ANGPTL4: variants seen among roughly 807,000 people sequenced by gnomAD.
ANGPTL4 encodes angiopoietin-related protein 4.
Under a neutral mutation model 39.2 loss-of-function variants are expected in ANGPTL4, and 39 were observed. The ratio of observed to expected loss-of-function variants is 1.00; its 90% CI spans 0.77 to 1.30. ANGPTL4 has a LOEUF of 1.30. ANGPTL4 is among the 50% of genes most tolerant of loss of function. ANGPTL4 has a pLI of 0.00. For synonymous variants in ANGPTL4, 233 were observed against 229.5 expected, an observed-to-expected ratio of 1.02 and a Z score of -0.14; for missense variants, 545 against 549.8, an observed-to-expected ratio of 0.99 and a Z score of 0.09.
intron 1 of ANGPTL4, 142 bp from the exon 2 acceptor site, chr19:8,365,812 C>A: frequency 1.4e-6 from 1 of 722,046 alleles, no homozygotes; most frequent in South Asian, 1.5e-5. Context: ...AACGAGACCC[C>A]GTCATTGGGA....
At position 8,364,624 on chromosome 19, in the gene ANGPTL4, C is replaced by T. The variant is rs752039272; in HGVS notation, c.303C>T (p.Val101=). 10 of 1,590,588 alleles carry T rather than the reference C, an allele frequency of 6.3e-6. No individual in the cohort carries two copies. In the East Asian group the frequency reaches 1.8e-4, roughly 29 times the overall value. ...LAPESRVDPE[V]LHSLQTQLKA... ...CTGAGAGCCGGGTGGACCCTGAGGTCCTTCACAGCCTGCAGGTACGTGTCC... is the reference window on the plus strand; with the variant it reads ...CTGAGAGCCGGGTGGACCCTGAGGTTCTTCACAGCCTGCAGGTACGTGTCC... Residue 101 remains valine (V), a synonymous_variant, in exon 1 of 7, where the codon GTC becomes GTT. Coordinates refer to ENST00000301455, the MANE Select transcript of ANGPTL4 (RefSeq NM_139314.3).
intron 1 of ANGPTL4, among the ~76,000 whole-genome samples, chr19:8,365,293 C>A (rs1970979418): frequency 6.6e-6 from 1 of 151,968 alleles, no homozygotes; most frequent in South Asian, 2.1e-4. Context: ...GCCTGACCAA[C>A]ACAGTGAAAC....
chr19:8,372,969 T>A (rs1272122307), intron 6 of ANGPTL4, among the ~76,000 whole-genome samples: 2 of 150,650 alleles, frequency 1.3e-5, no homozygotes, highest in South Asian at 4.2e-4. Flanking sequence ...AAAAAATTGT[T>A]TTTAAACTTA....
At position 8,369,218 on chromosome 19, in the gene ANGPTL4, G is replaced by C; in HGVS notation, c.548-1G>C. ...CAAGTCTCCACTTTATCTCCCTTCA[G>C]GGCTGCCCAGGGATTGCCAGGAGCT... On this transcript the variant is annotated splice_acceptor_variant, in intron 3 of 6. Transcript: ENST00000301455. LOFTEE classifies it high-confidence loss of function. 1 of 1,609,502 alleles carries C rather than the reference G, an allele frequency of 6.2e-7. No individual in the cohort carries two copies. Among genetic ancestry groups the C allele is most frequent in the Non-Finnish European group, 8.5e-7 (1 of 1,179,160 alleles).
In ANGPTL4 at chr19:8,371,557, AG is replaced by A. The variant is rs751688415; in HGVS notation, c.1039+36del. ...CCCTGCCATGCCACACCCAGCCAGC[AG>A]CTTCCCTCCTTATCTTTCTGCTGCT... On this transcript the variant is annotated intron_variant, in intron 6 of 6. Coordinates refer to ENST00000301455, the MANE Select transcript of ANGPTL4 (RefSeq NM_139314.3). The surrounding 1 kb of genome is among the most constrained non-coding windows in gnomAD (Gnocchi z 5.1). 6 of 1,611,962 alleles carry A rather than the reference AG, an allele frequency of 3.7e-6. No individual in the cohort carries two copies. The East Asian group carries it at 1.1e-4, about 30-fold the overall frequency.
intron 2 of ANGPTL4, 28 bp from the exon 3 acceptor site, chr19:8,366,174 C>G: frequency 1.2e-6 from 2 of 1,612,226 alleles, no homozygotes; most frequent in East Asian, 4.5e-5. Flanking sequence ...CAGGCAGGAC[C>G]TGACACCCTC....
chr19:8,369,885 C>T (rs1480051567), intron 4 of ANGPTL4, among the ~76,000 whole-genome samples: 2 of 151,854 alleles, frequency 1.3e-5, no homozygotes, highest in African/African-American at 4.8e-5. Context: ...ATAGTGAGAG[C>T]TCATCTTTAC....
intron 3 of ANGPTL4, among the ~76,000 whole-genome samples, chr19:8,368,761 G>A (rs541095748): frequency 1.3e-5 from 2 of 152,140 alleles, no homozygotes; most frequent in Admixed American, 6.6e-5. Context: ...CGGAGGCTGC[G>A]GCAGAATTGC....
In ANGPTL4 at chr19:8,371,150, C is replaced by G; in HGVS notation, c.756C>G (p.His252Gln). The G allele has an allele frequency of 6.2e-7, 1 of 1,613,780 alleles. No individual in the cohort carries two copies. Among genetic ancestry groups the G allele is most frequent in the South Asian group, 1.1e-5 (1 of 91,014 alleles). The change falls in exon 5 of 7, where the codon CAC becomes CAG. Residue 252 changes from histidine (H) to glutamine (Q), a missense_variant and splice_region_variant. His to Gln is a conservative substitution (Grantham distance 24, BLOSUM62 0). Coordinates refer to ENST00000301455, the MANE Select transcript of ANGPTL4 (RefSeq NM_139314.3). This position sits in a 1 kb window ranked among gnomAD's most constrained non-coding sequence, Gnocchi z 5.1. ...EAYKAGFGDP[H>Q]GEFWLGLEKV... is the part of the protein sequence containing the mutation. ...ACAAGGCGGGGTTTGGGGATCCCCA[C>G]GGTAGGTGTTTCTAGTGGGGACAGA...
chr19:8,364,367 G>A lies in ANGPTL4; in HGVS notation c.46G>A (p.Ala16Thr), dbSNP rs980968097. Residue 16 changes from alanine (A) to threonine (T), a missense_variant, in exon 1 of 7, where the codon GCC (alanine) becomes ACC (threonine). Transcript: ENST00000301455. ...CGGGGCAGCCCTGATGCTCTGCGCC[G>A]CCACCGCCGTGCTACTGAGCGCTCA... is the stretch of plus-strand genomic sequence containing the variant. Reference protein sequence around the residue: ...TAGAALMLCAATAVLLSAQGG... With the variant: ...TAGAALMLCATTAVLLSAQGG... 1.8e-5 allele frequency: 28 copies of A among 1,548,010 alleles called. No individual in the cohort carries two copies. Among genetic ancestry groups the A allele is most frequent in the Admixed American group, 5.8e-5 (3 of 52,004 alleles).
At chr19:8,365,494 T>C (rs556409219) in intron 1 of ANGPTL4, among the ~76,000 whole-genome samples, 38 of 146,444 alleles carry the variant, frequency 2.6e-4, no homozygotes, top group African/African-American at 8.1e-4. Context: ...ATAATAATAA[T>C]AAATAAAATA....
At position 8,364,162 on chromosome 19, in the gene ANGPTL4, G is replaced by A. The variant is rs1970943802; in HGVS notation, c.-160G>A. On this transcript the variant is annotated 5_prime_UTR_variant, in exon 1 of 7. Coordinates refer to ENST00000301455, the MANE Select transcript of ANGPTL4 (RefSeq NM_139314.3). ...TCCTCGGGCGCGGCGGGGAGAAGCC[G>A]AGCTGAGCGGATCCTCACACGACTG... 1 of 770,780 alleles carries A rather than the reference G, an allele frequency of 1.3e-6. No homozygotes were observed. The highest frequency in any genetic ancestry group is 2.0e-6 in the Non-Finnish European group (1 of 500,342). 47.7% of individuals were successfully genotyped at this position (770,780 alleles called of 1,614,324 possible).
chr19:8,370,951 CT>C, intron 4 of ANGPTL4, 104 bp from the exon 5 acceptor site: 1 of 1,246,226 alleles, frequency 8.0e-7, no homozygotes, highest in Non-Finnish European at 1.1e-6. Flanking sequence ...GAGGGAGCTG[CT>C]GTCTTCCTGG....
rs1429021557 is a variant in ANGPTL4 at position 8,364,472 on chromosome 19, C to T, written c.151C>T (p.Leu51Phe). ...TGTCCTGGCGCACGGACTCCTGCAG[C>T]TCGGCCAGGGGCTGCGCGAACACGC... ...MNVLAHGLLQ[L>F]GQGLREHAER... Residue 51 changes from leucine to phenylalanine, a missense_variant, in exon 1 of 7, where the codon CTC becomes TTC. Physicochemically the swap from Leu to Phe is conservative, Grantham distance 22. Transcript: ENST00000301455. 1 of 1,563,714 alleles carries T rather than the reference C, an allele frequency of 6.4e-7. No individual in the cohort carries two copies. The highest frequency in any genetic ancestry group is 1.3e-5 in the African/African-American group (1 of 74,134).
chr19:8,364,203 C>T lies in ANGPTL4; in HGVS notation c.-119C>T. ...CACACGACTGTGATCCGATTCTTTC[C>T]AGCGGCTTCTGCAACCAAGCGGGTC... On this transcript the variant is annotated 5_prime_UTR_variant, in exon 1 of 7. Coordinates refer to ENST00000301455, the MANE Select transcript of ANGPTL4 (RefSeq NM_139314.3). The T allele has an allele frequency of 9.5e-7, 1 of 1,056,406 alleles. No homozygotes were observed. The highest frequency in any genetic ancestry group is 1.3e-6 in the Non-Finnish European group (1 of 742,626). 65.4% of individuals were successfully genotyped at this position (1,056,406 alleles called of 1,614,324 possible).
In ANGPTL4 at chr19:8,366,207, C is replaced by T. The variant is rs1286693619; in HGVS notation, c.435C>T (p.Gly145=). The T allele has an allele frequency of 1.9e-6, 3 of 1,614,018 alleles. No individual in the cohort carries two copies. Among genetic ancestry groups the T allele is most frequent in the Non-Finnish European group, 2.5e-6 (3 of 1,180,034 alleles). ...LRIQHLQSQF[G]LLDHKHLDHE... is the part of the protein sequence containing the mutation. ...CTCCTCCCGTCCCATCCTAGTTTGG[C>T]CTCCTGGACCACAAGCACCTAGACC... The change falls in exon 3 of 7, where the codon GGC becomes GGT. Residue 145 remains glycine, a synonymous_variant. Transcript: ENST00000301455.
In ANGPTL4 at chr19:8,371,810, C is replaced by A. The variant is rs1971127064; in HGVS notation, c.1039+288C>A. Among the ~76,000 whole-genome samples the A allele has an allele frequency of 6.6e-6, 1 of 152,172 alleles. No individual in the cohort carries two copies. Among genetic ancestry groups the A allele is most frequent in the South Asian group, 2.1e-4 (1 of 4,832 alleles). On this transcript the variant is annotated intron_variant, in intron 6 of 6. Coordinates refer to ENST00000301455, the MANE Select transcript of ANGPTL4 (RefSeq NM_139314.3). This position sits in a 1 kb window ranked among gnomAD's most constrained non-coding sequence, Gnocchi z 5.1. ...TCACTTTGTCACCCAGGCTGGAGTG[C>A]TTTGTGGCACGATCTTGGCTCACTG... is the stretch of plus-strand genomic sequence containing the variant.
At chr19:8,367,640 C>T (rs1568216090) in intron 3 of ANGPTL4, among the ~76,000 whole-genome samples, 1 of 152,030 alleles carries the variant, frequency 6.6e-6, no homozygotes, top group Non-Finnish European at 1.5e-5. Flanking sequence ...CAGTCTGGAG[C>T]GTCTGAGCCT....
chr19:8,369,439 T>A, intron 4 of ANGPTL4, 107 bp downstream of exon 4: 1 of 818,788 alleles, frequency 1.2e-6, no homozygotes, highest in Non-Finnish European at 2.0e-6. Flanking sequence ...GGTCTTGCTA[T>A]GTTGCCCAAG....
Sources: allele counts gnomAD v4.1 joint callset (sites outside exome capture counted in the v4.1 genomes callset), GRCh38; gene constraint gnomAD v4.1.1; non-coding constraint Gnocchi (gnomAD v3.1); transcripts MANE v1.5; gene names NCBI Gene and HGNC (gene_info 2026-07-23, HGNC 2026-07-21).